ALPL: variants seen among roughly 807,000 people sequenced by gnomAD.
ALPL encodes the protein alkaline phosphatase, biomineralization associated.
Under a neutral mutation model 51.3 loss-of-function variants are expected in ALPL, and 42 were observed. That is an observed-to-expected ratio of 0.82 (90% CI 0.64 to 1.06). ALPL has a LOEUF of 1.06. ALPL is among the 50% of genes least tolerant of loss of function. ALPL has a pLI of 0.00. For synonymous variants in ALPL, 279 were observed against 296.4 expected (o/e 0.94, Z 0.60); for missense variants, 589 against 709.4 (o/e 0.83, Z 1.93).
At chr1:21,547,235 C>T (rs1016205838) in intron 1 of ALPL, among the ~76,000 whole-genome samples, 3 of 152,206 alleles carry the variant, frequency 2.0e-5, no homozygotes, top group Non-Finnish European at 4.4e-5. Flanking sequence ...AGCTTCGTAG[C>T]CTGCTCCCCC....
chr1:21,515,988 C>G (rs1158166732), intron 1 of ALPL, among the ~76,000 whole-genome samples: 2 of 152,182 alleles, frequency 1.3e-5, no homozygotes, highest in Non-Finnish European at 2.9e-5. Context: ...AAGCAATCCT[C>G]CTACCCCAAC....
chr1:21,527,047 C>CTTTTCTTTTCTTTTCTTTTTT (rs1553406582), intron 1 of ALPL, among the ~76,000 whole-genome samples: 1 of 97,436 alleles, frequency 1.0e-5, no homozygotes. Flanking sequence ...TCTTTTCTTT[C>CTTTTCTTTTCTTTTCTTTTTT]TTGAGATGGA....
intron 1 of ALPL, among the ~76,000 whole-genome samples, chr1:21,536,891 C>CTTT (rs10534586): frequency 3.0e-4 from 24 of 79,366 alleles, no homozygotes; most frequent in African/African-American, 9.5e-4. Context: ...GGTTCCTTCC[C>CTTT]TTTTTTTTTT....
chr1:21,527,866 T>C (rs1643969504), intron 1 of ALPL, among the ~76,000 whole-genome samples: 1 of 152,194 alleles, frequency 6.6e-6, no homozygotes, highest in Admixed American at 6.5e-5. Flanking sequence ...AACATTTGAA[T>C]GGCTGTTTAG....
intron 1 of ALPL, among the ~76,000 whole-genome samples, chr1:21,549,489 T>C (rs1190368619): frequency 1.3e-5 from 2 of 150,118 alleles, no homozygotes; most frequent in African/African-American, 4.9e-5. Flanking sequence ...TTTTTTTTTT[T>C]CTGAGATGGA....
intron 7 of ALPL, among the ~76,000 whole-genome samples, chr1:21,569,501 AAG>A (rs751849658): frequency 5.3e-5 from 8 of 152,118 alleles, no homozygotes; most frequent in Non-Finnish European, 1.0e-4. Context: ...CTCATCTGTA[AAG>A]AGGGAATAAC....
intron 6 of ALPL, among the ~76,000 whole-genome samples, chr1:21,567,578 T>C (rs3820281): frequency 0.18 from 27,886 of 152,192 alleles, 3,133 homozygotes; most frequent in East Asian, 0.45. Context: ...TCCCTGCCCT[T>C]AGCTGCACGA....
intron 4 of ALPL, 70 bp downstream of exon 4, chr1:21,561,282 A>G: frequency 1.4e-6 from 2 of 1,379,438 alleles, no homozygotes; most frequent in Non-Finnish European, 2.0e-6. Context: ...TGAACATGAC[A>G]GCAGCCAGAG....
At chr1:21,574,932 C>T (rs1233391855) in intron 9 of ALPL, among the ~76,000 whole-genome samples, 1 of 152,268 alleles carries the variant, frequency 6.6e-6, no homozygotes, top group Non-Finnish European at 1.5e-5. Context: ...CTGGGAGTGT[C>T]CACCAGGCAG....
chr1:21,508,995 C>T (rs1643624566), upstream of ALPL, among the ~76,000 whole-genome samples: 1 of 152,028 alleles, frequency 6.6e-6, no homozygotes, highest in Admixed American at 6.5e-5. Context: ...GACACAGAGA[C>T]AGACGCCAGA....
At chr1:21,543,259 C>T (rs1644212953) in intron 1 of ALPL, among the ~76,000 whole-genome samples, 1 of 152,122 alleles carries the variant, frequency 6.6e-6, no homozygotes, top group Non-Finnish European at 1.5e-5. Context: ...CTAATCTGTC[C>T]TTTTAAACTT....
intron 1 of ALPL, among the ~76,000 whole-genome samples, chr1:21,524,514 GA>G (rs541274166): frequency 4.0e-4 from 60 of 150,864 alleles, no homozygotes; most frequent in Non-Finnish European, 6.5e-4. Context: ...AAAAATATAA[GA>G]AAAAAAAATG....
At chr1:21,553,644 C>T (rs1039944082) in intron 1 of ALPL, among the ~76,000 whole-genome samples, 2 of 152,216 alleles carry the variant, frequency 1.3e-5, no homozygotes, top group African/African-American at 4.8e-5. Context: ...CAGATGCTTG[C>T]TCTCCTTACA....
chr1:21,553,371 A>G (rs896853420), intron 1 of ALPL, among the ~76,000 whole-genome samples: 1 of 152,184 alleles, frequency 6.6e-6, no homozygotes, highest in Non-Finnish European at 1.5e-5. Context: ...CCATTTTTAT[A>G]TCTCTTACCA....
At chr1:21,531,244 C>T (rs549331202) in intron 1 of ALPL, among the ~76,000 whole-genome samples, 2 of 152,226 alleles carry the variant, frequency 1.3e-5, no homozygotes, top group African/African-American at 4.8e-5. Flanking sequence ...AGGTGTGAGC[C>T]ACGGCGCCCG....
intron 1 of ALPL, among the ~76,000 whole-genome samples, chr1:21,549,475 C>CTT (rs5772952): frequency 3.4e-5 from 5 of 145,542 alleles, no homozygotes; most frequent in Admixed American, 6.9e-5. Flanking sequence ...TTTTCTTTTT[C>CTT]TTTTTTTTTT....
rs769829312 is a variant in ALPL, at chr1:21,577,521, T to C, written c.1448T>C (p.Val483Ala). Residue 483 changes from valine to alanine, a missense_variant, in exon 12 of 12, where the codon GTG becomes GCG. Transcript: ENST00000374840. Reference sequence around the variant, plus strand: ...CACGAGCAGAACTACGTCCCCCACGTGATGGCGTATGCAGCCTGCATCGGG... The same window carrying C: ...CACGAGCAGAACTACGTCCCCCACGCGATGGCGTATGCAGCCTGCATCGGG... ...GVHEQNYVPH[V>A]MAYAACIGAN... 2 of 1,607,782 alleles carry C rather than the reference T, an allele frequency of 1.2e-6. No homozygotes were observed. Among genetic ancestry groups the C allele is most frequent in the East Asian group, 2.2e-5 (1 of 44,878 alleles).
intron 2 of ALPL, among the ~76,000 whole-genome samples, chr1:21,554,811 GTCTGTCTT>G (rs1392454500): frequency 3.9e-3 from 187 of 48,310 alleles, no homozygotes; most frequent in Middle Eastern, 0.02. Context: ...CTGTCTGTCT[GTCTGTCTT>G]TCTTTCTTTC....
chr1:21,570,407 G>A (rs752833670), intron 8 of ALPL, 33 bp downstream of exon 8: 46 of 1,608,784 alleles, frequency 2.9e-5, no homozygotes, highest in Non-Finnish European at 3.7e-5. Flanking sequence ...AGGATGCATG[G>A]CTCGGAGCCT....
Sources: gnomAD v4.1 joint callset for allele counts (sites outside exome capture counted in the v4.1 genomes callset) on GRCh38, gnomAD v4.1.1 for gene constraint, MANE v1.5 for transcripts, NCBI Gene and HGNC (gene_info 2026-07-23, HGNC 2026-07-21) for gene names.